Variants in MMP20 observed in about 807,000 individuals in gnomAD.
MMP20 encodes matrix metalloproteinase-20.
Under a neutral mutation model 51.8 loss-of-function variants are expected in MMP20, and 50 were observed. The observed-to-expected ratio is 0.97, with a 90% CI of 0.77 to 1.22. The LOEUF (loss-of-function observed/expected upper bound fraction) is 1.22, where lower values mean the gene tolerates loss of function less well. MMP20 is among the 50% of genes most tolerant of loss of function. The probability of loss-of-function intolerance (pLI) is 0.00; values close to 1 mark genes in which losing one functional copy is unlikely to be tolerated. For synonymous variants in MMP20, 244 were observed against 216.2 expected, an observed-to-expected ratio of 1.13 and a Z score of -1.13; for missense variants, 663 against 601.4, an observed-to-expected ratio of 1.10 and a Z score of -1.07.
Position 102,594,651 on chromosome 11 carries a change from C to G in MMP20, c.1060G>C (p.Ala354Pro). ...AAGAAGTAAGCAGTGCCCCTCTCAG[C>G]CACTTCGTAAGCTGCATCCACATTG... ...MSNVDAAYEVAERGTAYFFKG... is the reference protein window; with the variant it reads ...MSNVDAAYEVPERGTAYFFKG... The change falls in exon 7 of 10, where the codon GCT becomes CCT. Residue 354 changes from alanine (A) to proline (P), a missense_variant. Transcript: ENST00000260228. The G allele has an allele frequency of 1.2e-6, 2 of 1,613,792 alleles. No homozygotes were observed. Among genetic ancestry groups the G allele is most frequent in the Middle Eastern group, 1.7e-4 (1 of 5,964 alleles).
intron 1 of MMP20, among the ~76,000 whole-genome samples, chr11:102,622,215 T>A (rs1053627512): frequency 2.0e-5 from 3 of 152,168 alleles, no homozygotes; most frequent in African/African-American, 7.2e-5. Context: ...TTTGGAAACG[T>A]GGCCTCTCTG....
chr11:102,590,240 T>C (rs1859302122), intron 8 of MMP20, among the ~76,000 whole-genome samples: 1 of 152,140 alleles, frequency 6.6e-6, no homozygotes, highest in Non-Finnish European at 1.5e-5. Flanking sequence ...GAAAAACTGA[T>C]GGAACCATTA....
At chr11:102,612,636 A>T (rs543821646) in intron 2 of MMP20, among the ~76,000 whole-genome samples, 4 of 151,924 alleles carry the variant, frequency 2.6e-5, no homozygotes, top group African/African-American at 9.6e-5. Flanking sequence ...AGTTTTGCTA[A>T]TTCTTATTCA....
At chr11:102,591,694 A>G (rs2135932720) in intron 8 of MMP20, among the ~76,000 whole-genome samples, 1 of 152,322 alleles carries the variant, frequency 6.6e-6, no homozygotes, top group East Asian at 1.9e-4. Context: ...ATTACAAAAG[A>G]CTTCTCCTTA....
intron 6 of MMP20, among the ~76,000 whole-genome samples, chr11:102,594,967 A>T (rs17098731): frequency 1.3e-5 from 2 of 149,380 alleles, no homozygotes; most frequent in African/African-American, 5.0e-5. Context: ...GTGCAGTGGC[A>T]TGATCTTGGC....
At chr11:102,592,315 C>T (rs1377297826) in intron 8 of MMP20, among the ~76,000 whole-genome samples, 1 of 152,152 alleles carries the variant, frequency 6.6e-6, no homozygotes, top group African/African-American at 2.4e-5. Flanking sequence ...AGTGACAGCT[C>T]ATGACACCGC....
rs1859805664 is a variant in MMP20, at chr11:102,625,178, G to A, written c.126+16C>T. On this transcript the variant is annotated intron_variant, in intron 1 of 9. Transcript: ENST00000260228. ...GGGCAGAGGAGCAAGAAGGAATTGG[G>A]CAAAAATTCACAAACCTGTGCGAGG... 6.2e-7 allele frequency: 1 copy of A among 1,613,218 alleles called. No homozygotes were observed. Among genetic ancestry groups the A allele is most frequent in the African/African-American group, 1.3e-5 (1 of 74,866 alleles).
In MMP20 at chr11:102,577,259, T is replaced by C; in HGVS notation, c.*67A>G. On this transcript the variant is annotated 3_prime_UTR_variant, in exon 10 of 10. Transcript: ENST00000260228. ...ATCCCTCTCCTACATTCTGCTTTAGTCCTTAAGATCCAGTTAGAGGCTGCT... is the reference window on the plus strand; with the variant it reads ...ATCCCTCTCCTACATTCTGCTTTAGCCCTTAAGATCCAGTTAGAGGCTGCT... 1 of 1,046,190 alleles carries C rather than the reference T, an allele frequency of 9.6e-7. No homozygotes were observed. The highest frequency in any genetic ancestry group is 1.7e-5 in the Admixed American group (1 of 58,812). 64.8% of individuals were successfully genotyped at this position (1,046,190 alleles called of 1,614,324 possible).
At chr11:102,604,507 T>C (rs1160902285) in intron 6 of MMP20, among the ~76,000 whole-genome samples, 3 of 152,212 alleles carry the variant, frequency 2.0e-5, no homozygotes, top group African/African-American at 4.8e-5. Flanking sequence ...CTCTTAAGAA[T>C]AGTAACTGCC....
intron 2 of MMP20, among the ~76,000 whole-genome samples, chr11:102,615,226 A>C (rs1859654576): frequency 6.8e-6 from 1 of 147,148 alleles, no homozygotes; most frequent in African/African-American, 2.5e-5. Context: ...TATTACTACA[A>C]AAATATATTT....
chr11:102,620,966 C>T (rs1265972432), intron 1 of MMP20, among the ~76,000 whole-genome samples: 2 of 152,232 alleles, frequency 1.3e-5, no homozygotes, highest in African/African-American at 4.8e-5. Context: ...CTTTCTCACA[C>T]TGTCCGCCCT....
In MMP20 at chr11:102,625,250, G is replaced by A. The variant is rs771170557; in HGVS notation, c.70C>T (p.Pro24Ser). ...IMALKFSTAA[P>S]SLVAASPRTW... ...CTGGGGGAGGCTGCAACTAGGGAGGGGGCTGCAGTGGAAAACTTCAAAGCC... is the reference window on the plus strand; with the variant it reads ...CTGGGGGAGGCTGCAACTAGGGAGGAGGCTGCAGTGGAAAACTTCAAAGCC... The change falls in exon 1 of 10, where the codon CCC becomes TCC. Residue 24 changes from proline (P) to serine (S), a missense_variant. By Grantham distance (74) the Pro-to-Ser change is moderately conservative. Transcript: ENST00000260228. 19 of 1,613,736 alleles carry A rather than the reference G, an allele frequency of 1.2e-5. No individual in the cohort carries two copies. The highest frequency in any genetic ancestry group is 2.7e-5 in the African/African-American group (2 of 74,886).
chr11:102,586,512 T>TAATTTA (rs1406419401), intron 8 of MMP20, among the ~76,000 whole-genome samples: 16 of 152,092 alleles, frequency 1.1e-4, no homozygotes. Context: ...CTGATTTTAG[T>TAATTTA]AATTTAAATT....
intron 9 of MMP20, among the ~76,000 whole-genome samples, chr11:102,578,764 CAAAAACAAAAAACAAA>C (rs1565387357): frequency 1.9e-5 from 2 of 106,780 alleles, no homozygotes; most frequent in Non-Finnish European, 3.8e-5. Context: ...AAACAAAAAA[CAAAAACAAAAAACAAA>C]ACACACACAC....
intron 8 of MMP20, among the ~76,000 whole-genome samples, chr11:102,588,305 A>G (rs1015667415): frequency 6.6e-6 from 1 of 151,112 alleles, no homozygotes; most frequent in South Asian, 2.1e-4. Context: ...GAAGCCCCAA[A>G]TTAATTGTTA....
chr11:102,601,783 C>A (rs1859449019), intron 6 of MMP20, among the ~76,000 whole-genome samples: 1 of 152,186 alleles, frequency 6.6e-6, no homozygotes. Flanking sequence ...ATACTCTCAG[C>A]CATGAGGCTT....
chr11:102,579,704 A>C (rs968536763), intron 8 of MMP20, among the ~76,000 whole-genome samples: 3 of 152,208 alleles, frequency 2.0e-5, no homozygotes, highest in Non-Finnish European at 4.4e-5. Flanking sequence ...CTGGTACCAC[A>C]AGCTTGGAAG....
chr11:102,607,615 G>C (rs1859535085), intron 5 of MMP20: 1 of 147,566 alleles, frequency 6.8e-6, no homozygotes, highest in South Asian at 2.3e-4. Flanking sequence ...AAATTGGAGA[G>C]GGTCAGCAGC....
intron 8 of MMP20, among the ~76,000 whole-genome samples, chr11:102,590,830 A>G (rs1248085892): frequency 6.6e-6 from 1 of 152,134 alleles, no homozygotes; most frequent in Non-Finnish European, 1.5e-5. Context: ...ATCCTTCTAC[A>G]GTAGGGACAT....
Sources: gnomAD v4.1 joint callset for allele counts (sites outside exome capture counted in the v4.1 genomes callset) on GRCh38, gnomAD v4.1.1 for gene constraint, MANE v1.5 for transcripts, NCBI Gene and HGNC (gene_info 2026-07-23, HGNC 2026-07-21) for gene names.